Variants in SLC1A6 observed in about 807,000 individuals in gnomAD.
SLC1A6 encodes excitatory amino acid transporter 4.
A neutral mutation model predicts 42.1 loss-of-function variants in SLC1A6; 15 were observed. That is an observed-to-expected ratio of 0.36 (90% CI 0.24 to 0.55). The LOEUF is 0.55. Among genes scored for constraint, SLC1A6 ranks in the 20% least tolerant of loss-of-function variants. The pLI, the probability that SLC1A6 is intolerant of heterozygous loss-of-function variation, is 0.88. For missense variants in SLC1A6, 542 were observed against 772.5 expected (o/e 0.70, Z 3.54); for synonymous variants, 317 against 319.7 (o/e 0.99, Z 0.09).
At chr19:14,990,839 C>T (rs976930613) in intron 1 of SLC1A6, among the ~76,000 whole-genome samples, 4 of 151,018 alleles carry the variant, frequency 2.6e-5, no homozygotes, top group Non-Finnish European at 4.4e-5. Context: ...AACATGGTGA[C>T]TCTAGTTAAT....
chr19:14,960,719 A>T (rs1477785845), intron 6 of SLC1A6, among the ~76,000 whole-genome samples: 1 of 152,188 alleles, frequency 6.6e-6, no homozygotes, highest in East Asian at 1.9e-4. Flanking sequence ...AATCTAAACA[A>T]TCAAACTCAC....
chr19:14,979,056 A>T lies in SLC1A6; in HGVS notation c.-8+253T>A, dbSNP rs1298925982. ...CAGTCTCTCTCTCTCTCTGTCACAC[A>T]CACACACACACACACACACACACAC... On this transcript the variant is annotated intron_variant, in intron 1 of 9. Coordinates refer to ENST00000594383, the MANE Select transcript of SLC1A6 (RefSeq NM_005071.3). This position sits in a 1 kb window ranked among gnomAD's most constrained non-coding sequence, Gnocchi z 4.2. Among the ~76,000 whole-genome samples, 297 of 44,936 alleles carry T rather than the reference A, an allele frequency of 6.6e-3. 1 individual carries two copies. Among genetic ancestry groups the T allele is most frequent in the African/African-American group, 0.042 (255 of 6,082 alleles). 29.5% of individuals were successfully genotyped at this position (44,936 alleles called of 152,430 possible).
chr19:14,966,299 C>T (rs1429209029), intron 4 of SLC1A6, among the ~76,000 whole-genome samples: 1 of 152,082 alleles, frequency 6.6e-6, no homozygotes, highest in African/African-American at 2.4e-5. Context: ...CAAGACCAGC[C>T]TGGCCAACAC....
chr19:15,005,979 C>A (rs1269740157), intron 1 of SLC1A6, among the ~76,000 whole-genome samples: 1 of 152,206 alleles, frequency 6.6e-6, no homozygotes, highest in Non-Finnish European at 1.5e-5. Flanking sequence ...GGTGGACGTA[C>A]TTCATGAACA....
intron 1 of SLC1A6, among the ~76,000 whole-genome samples, chr19:15,005,830 G>A (rs1379501299): frequency 6.6e-6 from 1 of 152,250 alleles, no homozygotes; most frequent in Non-Finnish European, 1.5e-5. Context: ...CCATGTGGAA[G>A]CCAAAATCCT....
intron 1 of SLC1A6, among the ~76,000 whole-genome samples, chr19:14,989,374 G>A (rs1373128981): frequency 6.6e-6 from 1 of 151,974 alleles, no homozygotes; most frequent in African/African-American, 2.4e-5. Context: ...CAATTCTCCT[G>A]CCTCGGCCTC....
intron 1 of SLC1A6, chr19:14,977,095 T>C (rs1338830635): frequency 6.7e-6 from 1 of 149,438 alleles, no homozygotes; most frequent in Non-Finnish European, 1.5e-5. Flanking sequence ...AGGGAATCCC[T>C]CTGGGATATT....
chr19:14,978,226 C>CTTAG (rs762435963), intron 1 of SLC1A6: 2 of 152,194 alleles, frequency 1.3e-5, no homozygotes, highest in Non-Finnish European at 2.9e-5. Context: ...CCTCTAGACA[C>CTTAG]TTAGATCTGA....
intron 7 of SLC1A6, among the ~76,000 whole-genome samples, chr19:14,955,975 T>C (rs1194229943): frequency 6.6e-6 from 1 of 152,102 alleles, no homozygotes; most frequent in African/African-American, 2.4e-5. Flanking sequence ...TTTTGGCTGT[T>C]GTGCTACTTT....
In SLC1A6 at chr19:14,950,075, C is replaced by T. The variant is rs545941639; in HGVS notation, c.*120G>A. ...CCTTTATTTCACTTTTCCCTCCCCC[C>T]TAAATGAGTCAAGCAGAACGTGTGT... On this transcript the variant is annotated 3_prime_UTR_variant, in exon 10 of 10. Coordinates refer to ENST00000594383, the MANE Select transcript of SLC1A6 (RefSeq NM_005071.3). 3.2e-6 allele frequency: 2 copies of T among 628,796 alleles called. No individual in the cohort carries two copies. The highest frequency in any genetic ancestry group is 2.9e-5 in the South Asian group (1 of 34,548). 39.0% of individuals were successfully genotyped at this position (628,796 alleles called of 1,614,324 possible).
intron 1 of SLC1A6, 21 bp from the exon 2 acceptor site, chr19:14,972,938 T>C (rs1182058045): frequency 2.0e-6 from 3 of 1,535,602 alleles, no homozygotes; most frequent in Admixed American, 4.0e-5. Context: ...CAGAGAAGCC[T>C]GGGGCTGGTG....
chr19:14,983,610 C>G (rs973813019), upstream of SLC1A6, among the ~76,000 whole-genome samples: 1 of 150,006 alleles, frequency 6.7e-6, no homozygotes, highest in Non-Finnish European at 1.5e-5. Context: ...ATCGCTTGAG[C>G]CTGGAAGGTT....
chr19:14,981,276 G>C (rs961879266), upstream of SLC1A6, among the ~76,000 whole-genome samples: 1 of 150,032 alleles, frequency 6.7e-6, no homozygotes, highest in Non-Finnish European at 1.5e-5. Context: ...CTGGACAACA[G>C]AGCAAGACCT....
At chr19:14,997,731 A>G (rs1459196434) in intron 1 of SLC1A6, among the ~76,000 whole-genome samples, 1 of 152,206 alleles carries the variant, frequency 6.6e-6, no homozygotes, top group African/African-American at 2.4e-5. Flanking sequence ...TAGGGCTGCC[A>G]TAACAAATCA....
chr19:14,984,343 A>G (rs2045782603), upstream of SLC1A6, among the ~76,000 whole-genome samples: 1 of 152,190 alleles, frequency 6.6e-6, no homozygotes, highest in South Asian at 2.1e-4. Flanking sequence ...CTAAAATAAA[A>G]AACAAAAAAA....
At chr19:15,010,204 A>AGAG (rs1349548944) in intron 1 of SLC1A6, among the ~76,000 whole-genome samples, 7 of 85,590 alleles carry the variant, frequency 8.2e-5, no homozygotes, top group African/African-American at 2.8e-4. Flanking sequence ...AAAAGAAAGA[A>AGAG]AGAAAAAAGA....
At chr19:14,954,094 T>G (rs373214017) in intron 8 of SLC1A6, 41 bp downstream of exon 8, 2 of 1,521,822 alleles carry the variant, frequency 1.3e-6, no homozygotes, top group East Asian at 4.5e-5. Context: ...GATGACCGCT[T>G]AAGTCTCACC....
intron 4 of SLC1A6, among the ~76,000 whole-genome samples, chr19:14,964,611 C>G (rs1415880826): frequency 6.6e-6 from 1 of 152,128 alleles, no homozygotes; most frequent in Non-Finnish European, 1.5e-5. Flanking sequence ...TGTAAGCTAC[C>G]CGGAGCCACA....
chr19:14,989,590 G>A (rs1251156117), intron 1 of SLC1A6, among the ~76,000 whole-genome samples: 1 of 151,988 alleles, frequency 6.6e-6, no homozygotes, highest in Non-Finnish European at 1.5e-5. Context: ...AAAGATAAGT[G>A]GTCAGGGGAA....
Sources: allele counts gnomAD v4.1 joint callset (sites outside exome capture counted in the v4.1 genomes callset), GRCh38; gene constraint gnomAD v4.1.1; non-coding constraint Gnocchi (gnomAD v3.1); transcripts MANE v1.5; gene names NCBI Gene and HGNC (gene_info 2026-07-23, HGNC 2026-07-21).